The following PARN variants were observed in gnomAD, a reference collection of about 807,000 sequenced individuals.
PARN encodes poly(A)-specific ribonuclease, also known as poly(A)-specific ribonuclease PARN.
PARN carries 71 observed loss-of-function variants against 102.8 expected under a neutral mutation model. The ratio of observed to expected loss-of-function variants is 0.69; its 90% CI spans 0.57 to 0.84. The LOEUF (loss-of-function observed/expected upper bound fraction) is 0.84. PARN is among the 40% of genes least tolerant of loss of function. PARN has a pLI of 0.00. For missense variants in PARN, 782 were observed against 760.9 expected, an observed-to-expected ratio of 1.03 and a Z score of -0.33; for synonymous variants, 261 against 252.9, an observed-to-expected ratio of 1.03 and a Z score of -0.30.
intron 17 of PARN, 114 bp from the exon 18 acceptor site, chr16:14,581,057 T>TTC: frequency 3.3e-6 from 2 of 613,378 alleles, no homozygotes. Flanking sequence ...GTGAAAGGTA[T>TTC]TCTTTTTTTT....
At chr16:14,455,565 A>G (rs1034287984) in intron 22 of PARN, among the ~76,000 whole-genome samples, 4 of 152,342 alleles carry the variant, frequency 2.6e-5, no homozygotes, top group Admixed American at 6.5e-5. Flanking sequence ...GGTTAACAGC[A>G]CTACACAGGA....
intron 14 of PARN, among the ~76,000 whole-genome samples, chr16:14,586,032 G>A (rs189206839): frequency 6.7e-6 from 1 of 149,140 alleles, no homozygotes; most frequent in Non-Finnish European, 1.5e-5. Context: ...ACCCAGGCTG[G>A]ATAGTAGCAC....
chr16:14,605,681 G>A (rs1390690580), intron 10 of PARN, among the ~76,000 whole-genome samples: 1 of 151,910 alleles, frequency 6.6e-6, no homozygotes, highest in Non-Finnish European at 1.5e-5. Context: ...TTTTATACCT[G>A]ACTTAACAGC....
At chr16:14,447,703 C>T (rs547967770) in intron 22 of PARN, among the ~76,000 whole-genome samples, 7 of 152,130 alleles carry the variant, frequency 4.6e-5, no homozygotes, top group African/African-American at 1.2e-4. Flanking sequence ...TTTTTCCTTA[C>T]GAAAATGTTC....
intron 23 of PARN, among the ~76,000 whole-genome samples, chr16:14,441,767 C>T (rs1450485950): frequency 6.6e-6 from 1 of 152,216 alleles, no homozygotes; most frequent in Non-Finnish European, 1.5e-5. Flanking sequence ...CTTGGGAGGC[C>T]GCTCGGCTGC....
chr16:14,528,003 A>C (rs997951723), intron 21 of PARN, among the ~76,000 whole-genome samples: 1 of 152,236 alleles, frequency 6.6e-6, no homozygotes, highest in Non-Finnish European at 1.5e-5. Flanking sequence ...CCACAAAAGC[A>C]CGTGAAAACT....
At chr16:14,534,652 T>C (rs1966532593) in intron 21 of PARN, among the ~76,000 whole-genome samples, 2 of 152,284 alleles carry the variant, frequency 1.3e-5, no homozygotes, top group Admixed American at 6.5e-5. Context: ...TTATTTTATA[T>C]GACAGTGTCT....
At chr16:14,515,422 T>A (rs1965411986) in intron 21 of PARN, among the ~76,000 whole-genome samples, 1 of 152,210 alleles carries the variant, frequency 6.6e-6, no homozygotes, top group African/African-American at 2.4e-5. Flanking sequence ...TATTTTATTG[T>A]CAATTTAATG....
chr16:14,505,054 G>T (rs1020625729), intron 21 of PARN, among the ~76,000 whole-genome samples: 1 of 152,188 alleles, frequency 6.6e-6, no homozygotes, highest in Non-Finnish European at 1.5e-5. Flanking sequence ...AAGTCTTACT[G>T]ATAAAGTTAC....
intron 21 of PARN, among the ~76,000 whole-genome samples, chr16:14,506,197 G>A (rs778849525): frequency 2.0e-5 from 3 of 152,142 alleles, no homozygotes; most frequent in Non-Finnish European, 4.4e-5. Context: ...TAAAACAACT[G>A]ATCTGAACTC....
chr16:14,451,951 C>T (rs942871215), intron 22 of PARN, among the ~76,000 whole-genome samples: 10 of 141,976 alleles, frequency 7.0e-5, no homozygotes, highest in Non-Finnish European at 1.1e-4. Flanking sequence ...ATTTGGGAGG[C>T]TGAGGTGGGA....
intron 18 of PARN, chr16:14,565,225 TA>T (rs1214284472): frequency 2.0e-5 from 3 of 152,224 alleles, no homozygotes; most frequent in Non-Finnish European, 1.5e-5. Context: ...GGCTCCTGTG[TA>T]AAATAAGGGT....
At chr16:14,546,809 G>A (rs1966972665) in intron 21 of PARN, among the ~76,000 whole-genome samples, 1 of 152,106 alleles carries the variant, frequency 6.6e-6, no homozygotes, top group Admixed American at 6.5e-5. Context: ...GCCCATTAAA[G>A]ATGAATTCCT....
chr16:14,611,956 T>C (rs1165608145), intron 6 of PARN, among the ~76,000 whole-genome samples: 1 of 152,232 alleles, frequency 6.6e-6, no homozygotes, highest in East Asian at 1.9e-4. Flanking sequence ...ATACACAAAA[T>C]GTACATGTAC....
chr16:14,539,694 C>T (rs1966766320), intron 21 of PARN, among the ~76,000 whole-genome samples: 1 of 152,232 alleles, frequency 6.6e-6, no homozygotes, highest in Non-Finnish European at 1.5e-5. Context: ...CATACATTCA[C>T]ATGTCTTACT....
intron 5 of PARN, among the ~76,000 whole-genome samples, chr16:14,621,998 G>A (rs917679645): frequency 6.6e-6 from 1 of 151,992 alleles, no homozygotes; most frequent in African/African-American, 2.4e-5. Flanking sequence ...TTCGTGACCA[G>A]ACTGGCCAAC....
intron 6 of PARN, among the ~76,000 whole-genome samples, chr16:14,612,643 G>C (rs1443787698): frequency 1.3e-5 from 2 of 151,572 alleles, no homozygotes; most frequent in African/African-American, 2.4e-5. Context: ...TGTCACCCAG[G>C]CTGGAGTGCA....
intron 22 of PARN, among the ~76,000 whole-genome samples, chr16:14,482,267 T>C (rs1963422646): frequency 6.6e-6 from 1 of 152,114 alleles, no homozygotes; most frequent in Non-Finnish European, 1.5e-5. Context: ...TGGTGGTGCG[T>C]ACCTGTAGTG....
intron 18 of PARN, among the ~76,000 whole-genome samples, chr16:14,557,157 G>A (rs1204815727): frequency 6.6e-6 from 1 of 152,070 alleles, no homozygotes; most frequent in African/African-American, 2.4e-5. Flanking sequence ...ATGCATTTCT[G>A]GTAGAGACAA....
Sources: allele counts gnomAD v4.1 joint callset (sites outside exome capture counted in the v4.1 genomes callset), GRCh38; gene constraint gnomAD v4.1.1; transcripts MANE v1.5; gene names NCBI Gene and HGNC (gene_info 2026-07-23, HGNC 2026-07-21).